The following STK32B variants were observed in gnomAD, a reference collection of about 807,000 sequenced individuals.
STK32B encodes serine/threonine kinase 32B.
A neutral mutation model predicts 52.6 loss-of-function variants in STK32B; 43 were observed. That is an observed-to-expected ratio of 0.82 (90% CI 0.64 to 1.05). STK32B has a LOEUF of 1.05. Ranked by LOEUF, STK32B falls within the 50% of genes least tolerant of loss-of-function variation. The pLI is 0.00. For missense variants in STK32B, 621 were observed against 534.6 expected (o/e 1.16, Z -1.59); for synonymous variants, 238 against 204.3 (o/e 1.17, Z -1.41).
At chr4:5,459,631 G>A (rs1716873179) in intron 8 of STK32B, among the ~76,000 whole-genome samples, 1 of 152,206 alleles carries the variant, frequency 6.6e-6, no homozygotes, top group African/African-American at 2.4e-5. Context: ...GCTAAAAAGT[G>A]TCCCCTTGGC....
chr4:5,192,945 T>C (rs1440043675), intron 3 of STK32B, among the ~76,000 whole-genome samples: 1 of 152,088 alleles, frequency 6.6e-6, no homozygotes, highest in Middle Eastern at 3.2e-3. Context: ...GGAACACACA[T>C]AGGTGGAAGT....
At chr4:5,131,958 TGGG>T (rs145772639) in intron 1 of STK32B, among the ~76,000 whole-genome samples, 17,871 of 152,168 alleles carry the variant, frequency 0.12, 1,319 homozygotes, top group Admixed American at 0.24. Context: ...GGATTTGAGA[TGGG>T]GGAGAGCATC....
At chr4:5,473,301 C>T (rs532904915) in intron 11 of STK32B, among the ~76,000 whole-genome samples, 9 of 152,306 alleles carry the variant, frequency 5.9e-5, no homozygotes, top group Non-Finnish European at 1.2e-4. Context: ...AGCTTTCAGA[C>T]GTGCAGGAAG....
intron 3 of STK32B, among the ~76,000 whole-genome samples, chr4:5,263,667 C>T (rs7657159): frequency 0.081 from 12,314 of 152,140 alleles, 541 homozygotes; most frequent in South Asian, 0.099. Context: ...TATTATGATA[C>T]GCAGACATCT....
intron 3 of STK32B, among the ~76,000 whole-genome samples, chr4:5,254,425 A>G (rs1049189177): frequency 6.6e-5 from 10 of 151,936 alleles, no homozygotes; most frequent in African/African-American, 1.7e-4. Flanking sequence ...CTAACTTGTC[A>G]TTTTTAATAT....
intron 4 of STK32B, among the ~76,000 whole-genome samples, chr4:5,337,158 T>G (rs1732763813): frequency 6.6e-6 from 1 of 151,550 alleles, no homozygotes; most frequent in Non-Finnish European, 1.5e-5. Flanking sequence ...TTTTTTTTTT[T>G]TGTATTTTTT....
At chr4:5,077,674 C>G (rs940497899) in intron 1 of STK32B, among the ~76,000 whole-genome samples, 6 of 152,070 alleles carry the variant, frequency 3.9e-5, no homozygotes, top group Non-Finnish European at 8.8e-5. Flanking sequence ...CACCTGGCAG[C>G]TTTATATAAC....
intron 3 of STK32B, among the ~76,000 whole-genome samples, chr4:5,279,480 C>G (rs1458118607): frequency 6.6e-6 from 1 of 152,198 alleles, no homozygotes; most frequent in Non-Finnish European, 1.5e-5. Context: ...GGTACAACCC[C>G]CACAGCTGCA....
chr4:5,442,416 A>G (rs1214774192), intron 6 of STK32B, among the ~76,000 whole-genome samples: 1 of 151,878 alleles, frequency 6.6e-6, no homozygotes, highest in Non-Finnish European at 1.5e-5. Context: ...ATCAGAGACT[A>G]GGATTGCAAC....
intron 2 of STK32B, among the ~76,000 whole-genome samples, chr4:5,159,576 AATATATATATGAAT>A (rs1718191807): frequency 1.7e-5 from 1 of 57,958 alleles, no homozygotes; most frequent in Non-Finnish European, 3.0e-5. Flanking sequence ...AATATATATG[AATATATATATGAAT>A]ATATATGAAT....
At chr4:5,247,342 G>A (rs758270062) in intron 3 of STK32B, among the ~76,000 whole-genome samples, 1 of 152,200 alleles carries the variant, frequency 6.6e-6, no homozygotes, top group Non-Finnish European at 1.5e-5. Flanking sequence ...AGCAATGAGC[G>A]AGGCTCCATA....
intron 3 of STK32B, among the ~76,000 whole-genome samples, chr4:5,297,584 T>G (rs1398298585): frequency 6.6e-6 from 1 of 152,040 alleles, no homozygotes; most frequent in East Asian, 1.9e-4. Flanking sequence ...TACTTGTATA[T>G]GCTTCACAAA....
In STK32B at chr4:5,460,176, T is replaced by G. The variant is rs377258998; in HGVS notation, c.857T>G (p.Met286Arg). Residue 286 changes from methionine to arginine, a missense_variant, in exon 9 of 12, where the codon ATG becomes AGG. Physicochemically the swap from Met to Arg is moderately conservative, Grantham distance 91. Transcript: ENST00000282908. This position sits in a 1 kb window ranked among gnomAD's most constrained non-coding sequence, Gnocchi z 4.8. ...CAGAGCGTGCCCTACTTGGCCGACA[T>G]GAACTGGGACGCGGTGTTCAAGAAG... ...DIQSVPYLAD[M>R]NWDAVFKKAL... 1 of 1,614,160 alleles carries G rather than the reference T, an allele frequency of 6.2e-7. No homozygotes were observed. Among genetic ancestry groups the G allele is most frequent in the Non-Finnish European group, 8.5e-7 (1 of 1,180,026 alleles).
At chr4:5,187,618 C>T (rs1001026785) in intron 3 of STK32B, among the ~76,000 whole-genome samples, 6 of 34,442 alleles carry the variant, frequency 1.7e-4, no homozygotes, top group African/African-American at 3.2e-4. Flanking sequence ...AGGGGCCGGG[C>T]GGGGGAGGGG....
chr4:5,239,497 G>A (rs1724860605), intron 3 of STK32B, among the ~76,000 whole-genome samples: 1 of 152,168 alleles, frequency 6.6e-6, no homozygotes, highest in Non-Finnish European at 1.5e-5. Flanking sequence ...TGTGGCTACA[G>A]TGAGGTAATG....
chr4:5,171,924 T>C (rs1719404747), intron 3 of STK32B, among the ~76,000 whole-genome samples: 2 of 151,770 alleles, frequency 1.3e-5, no homozygotes, highest in African/African-American at 4.8e-5. Flanking sequence ...ACGATGTTGA[T>C]TCTTCCTACC....
rs1736846814 is a variant in STK32B at position 5,395,746 on chromosome 4, AGC to A, written c.435-2460_435-2459del. Among the ~76,000 whole-genome samples, 1 of 152,258 alleles carries A rather than the reference AGC, an allele frequency of 6.6e-6. No individual in the cohort carries two copies. Among genetic ancestry groups the A allele is most frequent in the Non-Finnish European group, 1.5e-5 (1 of 68,048 alleles). The stretch of plus-strand genomic sequence containing the variant: ...TATGTATCAGGTATTTAATCCACAC[AGC>A]AAAGGAAACTGAAGCAGAGGCAGAG... On this transcript the variant is annotated intron_variant, in intron 4 of 11. Coordinates refer to ENST00000282908, the MANE Select transcript of STK32B (RefSeq NM_018401.3). The surrounding 1 kb of genome is among the most constrained non-coding windows in gnomAD (Gnocchi z 4.4).
intron 3 of STK32B, among the ~76,000 whole-genome samples, chr4:5,169,149 G>T (rs1719128711): frequency 6.6e-6 from 1 of 152,158 alleles, no homozygotes; most frequent in Non-Finnish European, 1.5e-5. Context: ...CAGGCCAGCT[G>T]AGTGCCCCTC....
At chr4:5,305,252 C>G (rs1240174422) in intron 3 of STK32B, among the ~76,000 whole-genome samples, 1 of 149,058 alleles carries the variant, frequency 6.7e-6, no homozygotes, top group African/African-American at 2.6e-5. Flanking sequence ...GGAATAGTGT[C>G]TCAGTAGGAT....
Sources: allele counts gnomAD v4.1 joint callset (sites outside exome capture counted in the v4.1 genomes callset), GRCh38; gene constraint gnomAD v4.1.1; non-coding constraint Gnocchi (gnomAD v3.1); transcripts MANE v1.5; gene names NCBI Gene and HGNC (gene_info 2026-07-23, HGNC 2026-07-21).